LAMB3: variants seen among roughly 807,000 people sequenced by gnomAD.
The protein encoded by LAMB3 is laminin subunit beta-3.
Under a neutral mutation model 140.3 loss-of-function variants are expected in LAMB3, and 104 were observed. The ratio of observed to expected loss-of-function variants is 0.74; its 90% CI spans 0.63 to 0.87. The LOEUF (loss-of-function observed/expected upper bound fraction) is 0.87, where lower values mean the gene tolerates loss of function less well. Ranked by LOEUF, LAMB3 falls within the 40% of genes least tolerant of loss-of-function variation. The pLI, the probability that LAMB3 is intolerant of heterozygous loss-of-function variation, is 0.00. For synonymous variants in LAMB3, 592 were observed against 602.9 expected (o/e 0.98, Z 0.26); for missense variants, 1,531 against 1,575.2 (o/e 0.97, Z 0.47).
intron 22 of LAMB3, 41 bp from the exon 23 acceptor site, chr1:209,615,448 T>C (rs768547332): frequency 7.4e-5 from 116 of 1,559,154 alleles, no homozygotes; most frequent in Non-Finnish European, 9.1e-5. Flanking sequence ...GAGTTGATGG[T>C]GAGACTCCCC....
chr1:209,617,720 C>G, intron 20 of LAMB3, 134 bp from the exon 21 acceptor site: 3 of 1,245,370 alleles, frequency 2.4e-6, no homozygotes, highest in Non-Finnish European at 3.4e-6. Context: ...CCACCTCTCA[C>G]CCCTCCTTCT....
intron 12 of LAMB3, 60 bp downstream of exon 12, chr1:209,627,323 G>A: frequency 7.2e-7 from 1 of 1,381,914 alleles, no homozygotes; most frequent in Non-Finnish European, 1.0e-6. Flanking sequence ...GCAGCAGAGA[G>A]GCTGGTGCTC....
chr1:209,624,917 A>AGGAAAAAAAG, intron 14 of LAMB3, among the ~76,000 whole-genome samples: 2 of 150,204 alleles, frequency 1.3e-5, no homozygotes, highest in African/African-American at 4.9e-5. Flanking sequence ...GAAGGAAGGA[A>AGGAAAAAAAG]GGAAGGAAGG....
At chr1:209,626,255 C>T (rs555211556) in intron 13 of LAMB3, among the ~76,000 whole-genome samples, 1 of 152,366 alleles carries the variant, frequency 6.6e-6, no homozygotes, top group South Asian at 2.1e-4. Flanking sequence ...CACATTAACT[C>T]ATTTGATCTT....
rs1666611299 is a variant in LAMB3 at position 209,629,851 on chromosome 1, C to T, written c.1018G>A (p.Gly340Arg). The stretch of plus-strand genomic sequence containing the variant: ...TCCCGGCAATTGTCACACACACCTC[C>T]ATATGCCCCCTGGCTGGCGGCAAAC... Reference protein sequence around the residue: ...AVFAASQGAYGGVCDNCRDHT... With the variant: ...AVFAASQGAYRGVCDNCRDHT... Residue 340 changes from glycine to arginine, a missense_variant, in exon 10 of 23, where the codon GGA becomes AGA. Gly to Arg is a moderately radical substitution (Grantham distance 125). Transcript: ENST00000356082. The T allele has an allele frequency of 6.2e-7, 1 of 1,614,090 alleles. No homozygotes were observed. Among genetic ancestry groups the T allele is most frequent in the Non-Finnish European group, 8.5e-7 (1 of 1,180,058 alleles).
intron 6 of LAMB3, among the ~76,000 whole-genome samples, chr1:209,634,210 G>T (rs977781007): frequency 6.6e-6 from 1 of 152,178 alleles, no homozygotes; most frequent in Non-Finnish European, 1.5e-5. Flanking sequence ...GACGGCAGGG[G>T]TGAGTAATGC....
At chr1:209,648,539 C>T (rs1404256891) in intron 3 of LAMB3, among the ~76,000 whole-genome samples, 1 of 152,110 alleles carries the variant, frequency 6.6e-6, no homozygotes, top group Non-Finnish European at 1.5e-5. Flanking sequence ...TTATAAGCAC[C>T]CTGTTTTGCT....
intron 18 of LAMB3, 30 bp downstream of exon 18, chr1:209,622,506 C>G: frequency 1.2e-6 from 2 of 1,612,720 alleles, no homozygotes; most frequent in South Asian, 2.2e-5. Flanking sequence ...ACTGGAACAG[C>G]AGCCAAGGTG....
intron 9 of LAMB3, 21 bp downstream of exon 9, chr1:209,630,594 G>T: frequency 6.2e-6 from 10 of 1,613,986 alleles, no homozygotes; most frequent in Non-Finnish European, 7.6e-6. Context: ...CTACAGGGGA[G>T]GGGTGATCCA....
At position 209,623,838 on chromosome 1, in the gene LAMB3, A is replaced by T; in HGVS notation, c.2137+2T>A. 2 of 1,614,148 alleles carry T rather than the reference A, an allele frequency of 1.2e-6. No homozygotes were observed. The highest frequency in any genetic ancestry group is 1.7e-6 in the Non-Finnish European group (2 of 1,180,012). On this transcript the variant is annotated splice_donor_variant, in intron 15 of 22. Coordinates refer to ENST00000356082, the MANE Select transcript of LAMB3 (RefSeq NM_000228.3). LOFTEE classifies it high-confidence loss of function. This position sits in a 1 kb window ranked among gnomAD's most constrained non-coding sequence, Gnocchi z 4.2. The stretch of plus-strand genomic sequence containing the variant: ...GGGTTATCCGGGTGCCCCTCTCCTC[A>T]CCTGAAGGATCAGCACTGCTTATTT...
chr1:209,644,555 G>C (rs1467906417), intron 3 of LAMB3, among the ~76,000 whole-genome samples: 2 of 151,978 alleles, frequency 1.3e-5, no homozygotes, highest in African/African-American at 2.4e-5. Flanking sequence ...ATGAAGCACA[G>C]ATTCTTGTCC....
At chr1:209,627,204 C>A (rs370580940) in intron 12 of LAMB3, among the ~76,000 whole-genome samples, 179 bp downstream of exon 12, 11 of 152,264 alleles carry the variant, frequency 7.2e-5, no homozygotes, top group African/African-American at 2.6e-4. Flanking sequence ...GTATTACTGA[C>A]GGCCAAGAGC....
intron 21 of LAMB3, among the ~76,000 whole-genome samples, chr1:209,617,040 A>T (rs1400625240): frequency 6.6e-6 from 1 of 152,190 alleles, no homozygotes; most frequent in Non-Finnish European, 1.5e-5. Context: ...TCTGACAATC[A>T]TGGAGCCCAG....
intron 9 of LAMB3, 63 bp downstream of exon 9, chr1:209,630,552 A>G (rs1255017570): frequency 6.3e-7 from 1 of 1,588,992 alleles, no homozygotes; most frequent in Admixed American, 1.7e-5. Flanking sequence ...GAGATCATCA[A>G]GGCCTAGAGG....
intron 3 of LAMB3, among the ~76,000 whole-genome samples, chr1:209,644,599 C>CT (rs76117460): frequency 8.7e-4 from 128 of 146,918 alleles, no homozygotes; most frequent in East Asian, 4.9e-3. Context: ...CTGTGCTGTT[C>CT]TTTTTTTTTT....
chr1:209,643,307 T>G (rs967175371), intron 3 of LAMB3, among the ~76,000 whole-genome samples: 3 of 151,906 alleles, frequency 2.0e-5, no homozygotes, highest in African/African-American at 7.3e-5. Flanking sequence ...ATATGTGATA[T>G]GCCCCCATCT....
At chr1:209,616,793 A>C (rs1665985246) in intron 21 of LAMB3, among the ~76,000 whole-genome samples, 169 bp from the exon 22 acceptor site, 1 of 152,160 alleles carries the variant, frequency 6.6e-6, no homozygotes, top group Non-Finnish European at 1.5e-5. Flanking sequence ...ACAGACTATG[A>C]CTTAAACTTC....
At chr1:209,629,424 T>C (rs749543579) in intron 10 of LAMB3, among the ~76,000 whole-genome samples, 1 of 152,242 alleles carries the variant, frequency 6.6e-6, no homozygotes, top group African/African-American at 2.4e-5. Context: ...TGCAGGTGTA[T>C]ACAGTTTATA....
intron 1 of LAMB3, 31 bp downstream of exon 1, chr1:209,652,338 C>G (rs951406266): frequency 6.6e-6 from 1 of 152,380 alleles, no homozygotes; most frequent in Non-Finnish European, 1.5e-5. Context: ...GCATCCGGCC[C>G]GCACCAGGCA....
Sources: gnomAD v4.1 joint callset for allele counts (sites outside exome capture counted in the v4.1 genomes callset) on GRCh38, gnomAD v4.1.1 for gene constraint, Gnocchi (gnomAD v3.1) non-coding constraint, MANE v1.5 for transcripts, NCBI Gene and HGNC (gene_info 2026-07-23, HGNC 2026-07-21) for gene names.